DAB1: variants seen among roughly 807,000 people sequenced by gnomAD.
DAB1 encodes the protein disabled homolog 1.
In DAB1, 15 loss-of-function variants were observed where a neutral mutation model predicts 64.6. That is an observed-to-expected ratio of 0.23 (90% CI 0.16 to 0.36). The LOEUF (loss-of-function observed/expected upper bound fraction) is 0.36, where lower values mean the gene tolerates loss of function less well. Ranked by LOEUF, DAB1 falls within the 10% of genes least tolerant of loss-of-function variation. The pLI is 1.00. For synonymous variants in DAB1, 235 were observed against 251.9 expected (o/e 0.93, Z 0.64); for missense variants, 596 against 706.7 (o/e 0.84, Z 1.78).
chr1:57,023,012 A>T (rs942480249), intron 11 of DAB1, among the ~76,000 whole-genome samples: 3 of 152,222 alleles, frequency 2.0e-5, no homozygotes, highest in African/African-American at 7.2e-5. Flanking sequence ...ATACTTTCTA[A>T]CTCACCAGGA....
At position 58,060,558 on chromosome 1, in the gene DAB1, C is replaced by G. The variant is rs147113034; in HGVS notation, n.387+89953G>C. 3.9e-5 allele frequency among the ~76,000 whole-genome samples: 6 copies of G among 152,290 alleles called. No individual in the cohort carries two copies. The East Asian group carries it at 7.7e-4, about 20-fold the overall frequency. On this transcript the variant is annotated intron_variant and non_coding_transcript_variant, in intron 5 of 20. Transcript: ENST00000485760. ...TAAGTGGAAGGGTAAATTGAGAAAC[C>G]GCAGATGCCCAGGAGATCTTTTTTT...
intron 4 of DAB1, among the ~76,000 whole-genome samples, chr1:58,291,887 C>G (rs1438545003): frequency 6.6e-6 from 1 of 152,086 alleles, no homozygotes; most frequent in Non-Finnish European, 1.5e-5. Context: ...ACAGAGTACC[C>G]AGCTTAAAAA....
At chr1:57,881,086 G>C (rs1644136759) in intron 1 of DAB1, among the ~76,000 whole-genome samples, 1 of 152,194 alleles carries the variant, frequency 6.6e-6, no homozygotes, top group Non-Finnish European at 1.5e-5. Flanking sequence ...TAAAATGGCA[G>C]TAATGCTGAC....
intron 3 of DAB1, among the ~76,000 whole-genome samples, chr1:58,416,116 A>G (rs1384108241): frequency 6.6e-6 from 1 of 152,134 alleles, no homozygotes; most frequent in African/African-American, 2.4e-5. Context: ...TTTTACAGAT[A>G]AGGAAATGCA....
intron 6 of DAB1, among the ~76,000 whole-genome samples, chr1:57,789,555 T>A (rs1039421748): frequency 5.3e-5 from 8 of 152,126 alleles, no homozygotes; most frequent in Non-Finnish European, 2.9e-5. Context: ...TGTCCTCACA[T>A]GGCAGGGAGC....
At chr1:58,294,233 G>GA (rs1458155266) in intron 4 of DAB1, among the ~76,000 whole-genome samples, 4 of 151,838 alleles carry the variant, frequency 2.6e-5, no homozygotes, top group African/African-American at 7.3e-5. Context: ...TTTTGACTAT[G>GA]AAAAAAATCT....
chr1:57,565,421 C>T (rs560479192), intron 7 of DAB1, among the ~76,000 whole-genome samples: 1 of 152,254 alleles, frequency 6.6e-6, no homozygotes, highest in African/African-American at 2.4e-5. Context: ...TCACACATAA[C>T]AATATTAACC....
At chr1:57,666,032 C>T (rs1646443737) in intron 6 of DAB1, among the ~76,000 whole-genome samples, 1 of 151,912 alleles carries the variant, frequency 6.6e-6, no homozygotes, top group African/African-American at 2.4e-5. Flanking sequence ...TAGCATTTAA[C>T]ATAGAGATAG....
At chr1:57,409,636 CCA>C (rs1220084772) in intron 1 of DAB1, among the ~76,000 whole-genome samples, 2 of 152,088 alleles carry the variant, frequency 1.3e-5, no homozygotes, top group Non-Finnish European at 2.9e-5. Context: ...CAGTGAAACC[CCA>C]TCTCTACTAA....
At chr1:58,430,551 G>A (rs568990977) in intron 3 of DAB1, among the ~76,000 whole-genome samples, 13 of 152,270 alleles carry the variant, frequency 8.5e-5, no homozygotes, top group African/African-American at 2.9e-4. Flanking sequence ...GGAGGCTCTG[G>A]GAAACCCTCT....
chr1:57,913,216 A>G (rs1476487811), intron 5 of DAB1, among the ~76,000 whole-genome samples: 1 of 151,998 alleles, frequency 6.6e-6, no homozygotes, highest in African/African-American at 2.4e-5. Flanking sequence ...ACTGTAACCA[A>G]AACAGCATGG....
chr1:58,105,396 C>T (rs554401203), intron 5 of DAB1, among the ~76,000 whole-genome samples: 1 of 152,274 alleles, frequency 6.6e-6, no homozygotes, highest in Non-Finnish European at 1.5e-5. Flanking sequence ...TGCTTTAGGG[C>T]CCCCATGTGC....
At chr1:57,107,525 A>G (rs1197082822) in intron 4 of DAB1, among the ~76,000 whole-genome samples, 1 of 152,124 alleles carries the variant, frequency 6.6e-6, no homozygotes, top group African/African-American at 2.4e-5. Context: ...GAGGAGCCAC[A>G]GGGATACCCC....
At chr1:57,550,084 C>G (rs1644897627) in intron 7 of DAB1, among the ~76,000 whole-genome samples, 1 of 152,130 alleles carries the variant, frequency 6.6e-6, no homozygotes, top group South Asian at 2.1e-4. Context: ...CAATCAAGAC[C>G]TGGTGCAGAT....
intron 5 of DAB1, among the ~76,000 whole-genome samples, chr1:57,910,310 G>T (rs2102007495): frequency 6.6e-6 from 1 of 152,238 alleles, no homozygotes; most frequent in East Asian, 1.9e-4. Flanking sequence ...CTGCTGAGCA[G>T]TGTATACAAA....
At chr1:57,675,614 C>A (rs575927952) in intron 6 of DAB1, among the ~76,000 whole-genome samples, 1 of 152,230 alleles carries the variant, frequency 6.6e-6, no homozygotes, top group East Asian at 1.9e-4. Flanking sequence ...ATAATGAATA[C>A]CAGCGCTGCA....
chr1:57,955,086 A>G (rs999960557), intron 5 of DAB1, among the ~76,000 whole-genome samples: 11 of 152,158 alleles, frequency 7.2e-5, no homozygotes, highest in Non-Finnish European at 1.0e-4. Flanking sequence ...TCTTTTTGCC[A>G]CTGTCTTCTC....
chr1:58,338,564 T>C (rs953821671), intron 4 of DAB1, among the ~76,000 whole-genome samples: 2 of 152,212 alleles, frequency 1.3e-5, no homozygotes, highest in Admixed American at 6.5e-5. Flanking sequence ...AGTCATCAAA[T>C]ATTTTCTAGG....
chr1:57,706,029 T>C (rs1199295007), intron 6 of DAB1, among the ~76,000 whole-genome samples: 1 of 151,248 alleles, frequency 6.6e-6, no homozygotes, highest in African/African-American at 2.5e-5. Flanking sequence ...TTAAATTTTA[T>C]AGTGTTTATA....
Sources: gnomAD v4.1 joint callset for allele counts (sites outside exome capture counted in the v4.1 genomes callset) on GRCh38, gnomAD v4.1.1 for gene constraint, MANE v1.5 for transcripts, NCBI Gene and HGNC (gene_info 2026-07-23, HGNC 2026-07-21) for gene names.